Variants in NAALADL2 observed in about 807,000 individuals in gnomAD.
NAALADL2 encodes inactive N-acetylated-alpha-linked acidic dipeptidase-like protein 2.
NAALADL2 carries 76 observed loss-of-function variants against 87.2 expected under a neutral mutation model. The ratio of observed to expected loss-of-function variants is 0.87; its 90% CI spans 0.72 to 1.05. The LOEUF (loss-of-function observed/expected upper bound fraction) is 1.05. NAALADL2 is among the 50% of genes least tolerant of loss of function. NAALADL2 has a pLI of 0.00. For synonymous variants in NAALADL2, 354 were observed against 331.0 expected (o/e 1.07, Z -0.75); for missense variants, 1,089 against 945.8 (o/e 1.15, Z -1.99).
At chr3:175,386,443 A>G (rs1316856723) in intron 5 of NAALADL2, among the ~76,000 whole-genome samples, 1 of 152,016 alleles carries the variant, frequency 6.6e-6, no homozygotes, top group African/African-American at 2.4e-5. Context: ...AATTTTTGAC[A>G]AGAATATTTC....
chr3:175,589,584 C>T (rs62284493), intron 10 of NAALADL2, among the ~76,000 whole-genome samples: 38,236 of 151,654 alleles, frequency 0.25, 6,438 homozygotes, highest in African/African-American at 0.48. Flanking sequence ...TTTAAAAACA[C>T]GTAAACATAC....
chr3:175,296,333 G>A (rs4894710), intron 4 of NAALADL2, among the ~76,000 whole-genome samples: 10,106 of 152,140 alleles, frequency 0.066, 428 homozygotes, highest in East Asian at 0.14. Context: ...AATACTTCCC[G>A]TATGAAATTC....
chr3:174,471,749 A>AT (rs1366303691), intron 1 of NAALADL2, among the ~76,000 whole-genome samples: 2 of 152,020 alleles, frequency 1.3e-5, no homozygotes, highest in Admixed American at 6.6e-5. Flanking sequence ...TTCCAATAAT[A>AT]TTTTTTCTCA....
chr3:175,355,406 C>T (rs1764255856), intron 5 of NAALADL2, among the ~76,000 whole-genome samples: 1 of 152,070 alleles, frequency 6.6e-6, no homozygotes, highest in African/African-American at 2.4e-5. Context: ...AATGAGATGT[C>T]TGTTCAAGCA....
chr3:175,432,402 T>C lies in NAALADL2; in HGVS notation c.1091-14827T>C, dbSNP rs367701192. ...AAACTTCTAAAATCCCCTTTGATGG[T>C]ACTAATTATCTTCTTAAAACTCCAT... On this transcript the variant is annotated intron_variant, in intron 5 of 13. Coordinates refer to ENST00000454872, the MANE Select transcript of NAALADL2 (RefSeq NM_207015.3). Among the ~76,000 whole-genome samples the C allele has an allele frequency of 1.4e-3, 211 of 152,168 alleles. 8 individuals are homozygous for C. In the South Asian group the frequency reaches 0.042, roughly 30 times the overall value.
At chr3:174,962,395 TGTC>T (rs1332412482) in intron 1 of NAALADL2, among the ~76,000 whole-genome samples, 1 of 117,828 alleles carries the variant, frequency 8.5e-6, no homozygotes, top group African/African-American at 3.4e-5. Context: ...TATATATATA[TGTC>T]ATAGTGACTA....
rs1213404332 is a variant in NAALADL2 at position 174,601,857 on chromosome 3, T to C, written c.-115+51220T>C. 2.0e-5 allele frequency among the ~76,000 whole-genome samples: 3 copies of C among 152,180 alleles called. No individual in the cohort carries two copies. In the East Asian group the frequency reaches 5.8e-4, roughly 29 times the overall value. The stretch of plus-strand genomic sequence containing the variant: ...AGACATGGGTCTAGTTTCGTTCTTC[T>C]GCATATGGATATCTAGGTTTTCTAA... On this transcript the variant is annotated intron_variant, in intron 2 of 3. Coordinates refer to the NAALADL2 transcript ENST00000434257.
chr3:174,882,763 A>ATATG (rs1729516602), intron 1 of NAALADL2, among the ~76,000 whole-genome samples: 1 of 143,308 alleles, frequency 7.0e-6, no homozygotes, highest in Non-Finnish European at 1.5e-5. Flanking sequence ...GTGTATATAT[A>ATATG]CACACGTGTA....
At chr3:174,867,597 A>G (rs1522997) in intron 1 of NAALADL2, among the ~76,000 whole-genome samples, 41,823 of 151,894 alleles carry the variant, frequency 0.28, 5,829 homozygotes, top group Admixed American at 0.33. Flanking sequence ...CAAGTTTAAT[A>G]TGCTCAGAAA....
In NAALADL2 at chr3:174,667,545, G is replaced by GTTTTTTTT. The variant is rs71162402; in HGVS notation, c.-114-70086_-114-70079dup. On this transcript the variant is annotated intron_variant, in intron 2 of 3. Transcript: ENST00000434257. ...CTGAAAACTCTCCAGATGGGAGAGA[G>GTTTTTTTT]TTTTTTTTTTTTTTTTTATAGCAAG... Among the ~76,000 whole-genome samples, 250 of 123,544 alleles carry GTTTTTTTT rather than the reference G, an allele frequency of 2.0e-3. 20 individuals carry two copies. Among genetic ancestry groups the GTTTTTTTT allele is most frequent in the Non-Finnish European group, 2.5e-3 (150 of 60,772 alleles). 81.0% of individuals were successfully genotyped at this position (123,544 alleles called of 152,430 possible). A position where few individuals can be genotyped will look rare whatever the true frequency, so the allele number is the denominator to read the frequency against.
chr3:175,353,167 C>T (rs778895054), intron 5 of NAALADL2, among the ~76,000 whole-genome samples: 4 of 151,342 alleles, frequency 2.6e-5, no homozygotes, highest in African/African-American at 7.3e-5. Flanking sequence ...TTAATTTGCA[C>T]AGTCTGATAC....
chr3:174,953,425 A>C (rs34450195), intron 1 of NAALADL2, among the ~76,000 whole-genome samples: 1 of 150,166 alleles, frequency 6.7e-6, no homozygotes, highest in Non-Finnish European at 1.5e-5. Flanking sequence ...ACTAGACTAC[A>C]CCAGTAAACA....
Position 175,187,031 on chromosome 3 carries a change from T to A in NAALADL2, c.546-46900T>A, listed in dbSNP as rs544351523. Among the ~76,000 whole-genome samples, 118 of 152,240 alleles carry A rather than the reference T, an allele frequency of 7.8e-4. 1 individual carries two copies. Among genetic ancestry groups the A allele is most frequent in the African/African-American group, 2.6e-3 (106 of 41,554 alleles). ...TATTTTATAATAAATAAAATCAAAT[T>A]CAAAAAGCTAGGTGATTTCAGAGAG... On this transcript the variant is annotated intron_variant, in intron 2 of 13. Coordinates refer to ENST00000454872, the MANE Select transcript of NAALADL2 (RefSeq NM_207015.3).
chr3:175,391,485 A>G (rs1769061454), intron 5 of NAALADL2, among the ~76,000 whole-genome samples: 1 of 152,174 alleles, frequency 6.6e-6, no homozygotes, highest in Admixed American at 6.5e-5. Flanking sequence ...TGTAGCAAGG[A>G]ACTGAGAGAG....
chr3:174,464,379 ATTT>A (rs35463381), intron 1 of NAALADL2, among the ~76,000 whole-genome samples: 1 of 131,450 alleles, frequency 7.6e-6, no homozygotes, highest in African/African-American at 2.8e-5. Flanking sequence ...TGTTGGATTC[ATTT>A]TTTTTTTTTT....
chr3:174,929,682 G>A (rs577747021), intron 1 of NAALADL2, among the ~76,000 whole-genome samples: 54 of 152,020 alleles, frequency 3.6e-4, no homozygotes, highest in African/African-American at 8.7e-4. Flanking sequence ...AGTTTACACC[G>A]TTGGACTATG....
At position 175,324,234 on chromosome 3, in the gene NAALADL2, T is replaced by C; in HGVS notation, c.999T>C (p.Asp333=). 6.2e-7 allele frequency: 1 copy of C among 1,613,802 alleles called. No homozygotes were observed. The highest frequency in any genetic ancestry group is 8.5e-7 in the Non-Finnish European group (1 of 1,179,804). The change falls in exon 5 of 14, where the codon GAT becomes GAC. Residue 333 remains aspartate (D), a synonymous_variant. Coordinates refer to ENST00000454872, the MANE Select transcript of NAALADL2 (RefSeq NM_207015.3). ...GGVLLYIDPC[D]LPKTVNPSHD... ...TTCTTCTGTATATCGATCCTTGTGATTTGCCAAAGACTGTGAATCCTAGCC... is the reference window on the plus strand; with the variant it reads ...TTCTTCTGTATATCGATCCTTGTGACTTGCCAAAGACTGTGAATCCTAGCC...
intron 1 of NAALADL2, among the ~76,000 whole-genome samples, chr3:174,987,000 T>C (rs1228482106): frequency 6.6e-6 from 1 of 152,178 alleles, no homozygotes; most frequent in African/African-American, 2.4e-5. Flanking sequence ...AAACACTTGA[T>C]AATCTGGTTA....
At chr3:175,195,035 C>A (rs1475650180) in intron 2 of NAALADL2, among the ~76,000 whole-genome samples, 1 of 151,614 alleles carries the variant, frequency 6.6e-6, no homozygotes, top group Non-Finnish European at 1.5e-5. Flanking sequence ...TTCTCTCTCT[C>A]TCTCTCTCTC....
Sources: allele counts gnomAD v4.1 joint callset (sites outside exome capture counted in the v4.1 genomes callset), GRCh38; gene constraint gnomAD v4.1.1; transcripts MANE v1.5; gene names NCBI Gene and HGNC (gene_info 2026-07-23, HGNC 2026-07-21).